SORT1: variants seen among roughly 807,000 people sequenced by gnomAD.
SORT1 encodes sortilin 1.
Under a neutral mutation model 101.7 loss-of-function variants are expected in SORT1, and 39 were observed. The observed-to-expected ratio is 0.38, with a 90% confidence interval of 0.30 to 0.50. SORT1 has a LOEUF of 0.50. SORT1 is among the 20% of genes least tolerant of loss of function. SORT1 has a pLI of 0.90. For synonymous variants in SORT1, 396 were observed against 393.7 expected, an observed-to-expected ratio of 1.01 and a Z score of -0.07; for missense variants, 878 against 1,040.4, an observed-to-expected ratio of 0.84 and a Z score of 2.15.
intron 3 of SORT1, among the ~76,000 whole-genome samples, chr1:109,366,335 A>C (rs1651087419): frequency 6.6e-6 from 1 of 152,210 alleles, no homozygotes; most frequent in Non-Finnish European, 1.5e-5. Flanking sequence ...ACCTAAAAAT[A>C]ATCTGCTTAG....
chr1:109,345,848 G>T lies in SORT1; in HGVS notation c.866C>A (p.Thr289Asn). Residue 289 changes from threonine (T) to asparagine (N), a missense_variant, in exon 8 of 20, where the codon ACT becomes AAT. Physicochemically the swap from Thr to Asn is moderately conservative, Grantham distance 65. This residue lies in a region of SORT1 where 684 missense variants were observed against 894.5 expected (regional missense o/e 0.76). Coordinates refer to ENST00000256637, the MANE Select transcript of SORT1 (RefSeq NM_002959.7). ...ADLGALELWR[T>N]SDLGKSFKTI... ...TTTGAAGCTTTTTCCCAAGTCTGAA[G>T]TTCTCCATAATTCCAGAGCCCCAAG... 1 of 1,613,342 alleles carries T rather than the reference G, an allele frequency of 6.2e-7. No individual in the cohort carries two copies. Among genetic ancestry groups the T allele is most frequent in the South Asian group, 1.1e-5 (1 of 91,052 alleles).
chr1:109,333,065 C>A (rs1648566939), intron 11 of SORT1, among the ~76,000 whole-genome samples: 1 of 152,120 alleles, frequency 6.6e-6, no homozygotes, highest in African/African-American at 2.4e-5. Context: ...GTAGCTGGGA[C>A]TACAGGTGCA....
intron 8 of SORT1, among the ~76,000 whole-genome samples, chr1:109,343,716 T>C (rs950764060): frequency 3.3e-5 from 5 of 152,210 alleles, no homozygotes; most frequent in African/African-American, 1.2e-4. Flanking sequence ...TGGCATGATC[T>C]TGGCTCACTG....
chr1:109,355,039 C>T (rs1364670765), intron 4 of SORT1, among the ~76,000 whole-genome samples: 1 of 151,896 alleles, frequency 6.6e-6, no homozygotes, highest in Non-Finnish European at 1.5e-5. Flanking sequence ...GCCTGAGCAA[C>T]ATGGCAAAAC....
At chr1:109,390,767 G>GTGTA (rs1314260792) in intron 1 of SORT1, among the ~76,000 whole-genome samples, 4 of 141,954 alleles carry the variant, frequency 2.8e-5, no homozygotes, top group East Asian at 1.9e-4. Flanking sequence ...GTGTGTGTGT[G>GTGTA]TGTATGTGTG....
At chr1:109,347,289 T>C (rs1216061382) in intron 7 of SORT1, among the ~76,000 whole-genome samples, 194 bp downstream of exon 7, 3 of 152,358 alleles carry the variant, frequency 2.0e-5, no homozygotes, top group African/African-American at 4.8e-5. Flanking sequence ...GTATAGCCTA[T>C]ATTTTTACTT....
rs771394449 is a variant in SORT1 at position 109,354,475 on chromosome 1, T to G, written c.600A>C (p.Ser200=). Reference sequence around the variant, plus strand: ...GCACAAAATTCTTCGCAAAATCTGATGATCTAAAGATTCTTCCTCCACGAC... The same window carrying G: ...GCACAAAATTCTTCGCAAAATCTGAGGATCTAAAGATTCTTCCTCCACGAC... The part of the protein sequence containing the change: ...GGSRGGRIFR[S]SDFAKNFVQT... The change falls in exon 5 of 20, where the codon TCA becomes TCC. Residue 200 remains serine (S), a synonymous_variant. Coordinates refer to ENST00000256637, the MANE Select transcript of SORT1 (RefSeq NM_002959.7). 4 of 1,613,530 alleles carry G rather than the reference T, an allele frequency of 2.5e-6. No homozygotes were observed. The highest frequency in any genetic ancestry group is 2.5e-6 in the Non-Finnish European group (3 of 1,179,476).
intron 4 of SORT1, among the ~76,000 whole-genome samples, chr1:109,354,792 A>G (rs779334083): frequency 6.6e-6 from 1 of 152,248 alleles, no homozygotes; most frequent in Non-Finnish European, 1.5e-5. Context: ...CCAAAAAACT[A>G]AAATGTTGTC....
intron 1 of SORT1, among the ~76,000 whole-genome samples, chr1:109,387,136 C>CA (rs1297885004): frequency 6.6e-6 from 1 of 151,516 alleles, no homozygotes; most frequent in Non-Finnish European, 1.5e-5. Context: ...ACTAAAAATA[C>CA]AAAAATTAGC....
chr1:109,397,525 C>T lies in SORT1; in HGVS notation c.306+62G>A, dbSNP rs1557833719. 8 of 1,050,216 alleles carry T rather than the reference C, an allele frequency of 7.6e-6. No individual in the cohort carries two copies. In the South Asian group the frequency reaches 2.7e-4, roughly 36 times the overall value. 65.1% of individuals were successfully genotyped at this position (1,050,216 alleles called of 1,614,324 possible). A position where few individuals can be genotyped will look rare whatever the true frequency, so the allele number is the denominator to read the frequency against. On this transcript the variant is annotated intron_variant, in intron 1 of 19. Coordinates refer to ENST00000256637, the MANE Select transcript of SORT1 (RefSeq NM_002959.7). ...TCCGGGAGTCGCGGGGCGCACGGGC[C>T]GGGAGGGGCACGCGGGCGGCACCTC...
Position 109,397,712 on chromosome 1 carries a change from G to T in SORT1, c.181C>A (p.Arg61=). Residue 61 remains arginine, a synonymous_variant, in exon 1 of 20, where the codon CGG becomes AGG. Transcript: ENST00000256637. ...SGPIGVSWGL[R]AAAAGGAFPR... ...AACGCGCCCCCGGCTGCGGCCGCCC[G>T]CAGCCCCCAGCTCACCCCGATGGGG... The T allele has an allele frequency of 8.4e-7, 1 of 1,189,114 alleles. No homozygotes were observed. Among genetic ancestry groups the T allele is most frequent in the Non-Finnish European group, 1.0e-6 (1 of 962,750 alleles). 73.7% of individuals were successfully genotyped at this position (1,189,114 alleles called of 1,614,324 possible).
chr1:109,327,025 A>G lies in SORT1; in HGVS notation c.1610T>C (p.Ile537Thr), dbSNP rs1478889727. The change falls in exon 13 of 20, where the codon ATT becomes ACT. Residue 537 changes from isoleucine to threonine, a missense_variant. Ile to Thr is a moderately conservative substitution (Grantham distance 89). This residue lies in a region of SORT1 where 684 missense variants were observed against 894.5 expected (regional missense o/e 0.76). Coordinates refer to ENST00000256637, the MANE Select transcript of SORT1 (RefSeq NM_002959.7). Reference sequence around the variant, plus strand: ...ATTGATAGGACGGCTGCTGTGCTCAATGGCCACAATGATGCCTCCAGAATC... The same window carrying G: ...ATTGATAGGACGGCTGCTGTGCTCAGTGGCCACAATGATGCCTCCAGAATC... ...ILDSGGIIVA[I>T]EHSSRPINVI... 1.2e-6 allele frequency: 2 copies of G among 1,612,448 alleles called. No homozygotes were observed. Among genetic ancestry groups the G allele is most frequent in the South Asian group, 1.1e-5 (1 of 90,984 alleles).
chr1:109,321,779 C>T (rs1647645382), intron 15 of SORT1, among the ~76,000 whole-genome samples: 1 of 152,180 alleles, frequency 6.6e-6, no homozygotes. Flanking sequence ...GTAACAAGTT[C>T]CAAAAGATTA....
intron 11 of SORT1, among the ~76,000 whole-genome samples, chr1:109,335,081 C>T (rs1648720482): frequency 6.6e-6 from 1 of 152,036 alleles, no homozygotes; most frequent in South Asian, 2.1e-4. Context: ...GGGAGACAGG[C>T]CCAACTTCCT....
In SORT1 at chr1:109,347,502, G is replaced by A; in HGVS notation, c.813C>T (p.Thr271=). The A allele has an allele frequency of 6.2e-7, 1 of 1,610,674 alleles. No individual in the cohort carries two copies. The highest frequency in any genetic ancestry group is 8.5e-7 in the Non-Finnish European group (1 of 1,176,928). Residue 271 remains threonine, a synonymous_variant, in exon 7 of 20, where the codon ACC becomes ACT. Coordinates refer to ENST00000256637, the MANE Select transcript of SORT1 (RefSeq NM_002959.7). ...ACTTACTGCAGGAGCCATTTGCATA[G>A]GTTGTAAAGAAGATGGTGTTGTCTG... ...WGSDNTIFFT[T]YANGSCKADL... is the part of the protein sequence containing the mutation.
intron 1 of SORT1, among the ~76,000 whole-genome samples, chr1:109,378,599 C>T (rs115796838): frequency 0.051 from 7,673 of 150,156 alleles, 222 homozygotes; most frequent in Non-Finnish European, 0.062. Flanking sequence ...ACCTCTGACA[C>T]AGTATTACCG....
chr1:109,340,146 C>CAAAAAAAAA (rs34790280), intron 10 of SORT1, among the ~76,000 whole-genome samples: 4 of 96,286 alleles, frequency 4.2e-5, no homozygotes, highest in Non-Finnish European at 4.1e-5. Flanking sequence ...GATTCCATCT[C>CAAAAAAAAA]AAAAAAAAAA....
At chr1:109,342,186 C>T in intron 8 of SORT1, 28 bp from the exon 9 acceptor site, 1 of 1,581,042 alleles carries the variant, frequency 6.3e-7, no homozygotes, top group Non-Finnish European at 8.6e-7. Context: ...ATTTATCTTT[C>T]TAATTTTCTG....
intron 1 of SORT1, among the ~76,000 whole-genome samples, chr1:109,397,049 G>A (rs961800606): frequency 2.0e-5 from 3 of 152,206 alleles, no homozygotes; most frequent in Admixed American, 1.3e-4. Context: ...ATGACAGAAG[G>A]TCAAATCTGA....
Sources: gnomAD v4.1 joint callset for allele counts (sites outside exome capture counted in the v4.1 genomes callset) on GRCh38, gnomAD v4.1.1 for gene constraint, gnomAD v4.1.1 regional missense constraint, MANE v1.5 for transcripts, NCBI Gene and HGNC (gene_info 2026-07-23, HGNC 2026-07-21) for gene names.